Variants in GLCCI1 observed in about 807,000 individuals in gnomAD.
GLCCI1 encodes the protein glucocorticoid-induced transcript 1 protein.
A neutral mutation model predicts 52.2 loss-of-function variants in GLCCI1; 24 were observed. The observed-to-expected ratio is 0.46, with a 90% CI of 0.33 to 0.65. The LOEUF is 0.65. Ranked by LOEUF, GLCCI1 falls within the 30% of genes least tolerant of loss-of-function variation. The pLI is 0.02. For synonymous variants in GLCCI1, 310 were observed against 276.5 expected, an observed-to-expected ratio of 1.12 and a Z score of -1.20; for missense variants, 704 against 701.5, an observed-to-expected ratio of 1.00 and a Z score of -0.04.
intron 3 of GLCCI1, among the ~76,000 whole-genome samples, chr7:8,050,872 A>AAAT (rs944414699): frequency 6.6e-6 from 1 of 152,308 alleles, no homozygotes; most frequent in Admixed American, 6.5e-5. Context: ...TTCACCTTTA[A>AAAT]AATAATAATA....
Position 7,979,465 on chromosome 7 carries a change from G to C in GLCCI1, c.457+9658G>C, listed in dbSNP as rs150734770. Among the ~76,000 whole-genome samples the C allele has an allele frequency of 1.5e-4, 22 of 151,460 alleles. No homozygotes were observed. The East Asian group carries it at 4.0e-3, about 28-fold the overall frequency. ...TAGCTTGAGCTTTTTCTGGTGTTCTGTTTTGAAGTTGCCACTCTGTTTATG... is the reference window on the plus strand; with the variant it reads ...TAGCTTGAGCTTTTTCTGGTGTTCTCTTTTGAAGTTGCCACTCTGTTTATG... On this transcript the variant is annotated intron_variant, in intron 1 of 7. Coordinates refer to ENST00000223145, the MANE Select transcript of GLCCI1 (RefSeq NM_138426.4).
chr7:8,037,111 T>C (rs1390552115), intron 3 of GLCCI1, among the ~76,000 whole-genome samples: 1 of 151,104 alleles, frequency 6.6e-6, no homozygotes. Context: ...AAAGTCAGTG[T>C]GAAGGAAAGG....
chr7:8,028,158 A>G (rs1781662502), intron 3 of GLCCI1, among the ~76,000 whole-genome samples: 1 of 152,180 alleles, frequency 6.6e-6, no homozygotes, highest in Non-Finnish European at 1.5e-5. Flanking sequence ...TCAGAATACA[A>G]ATTTTCCTCC....
chr7:8,041,495 T>A (rs1329103339), intron 3 of GLCCI1, among the ~76,000 whole-genome samples: 1 of 152,196 alleles, frequency 6.6e-6, no homozygotes, highest in Non-Finnish European at 1.5e-5. Flanking sequence ...AGCTGTACTG[T>A]GGAATAAGAT....
In GLCCI1 at chr7:8,004,165, C is replaced by G. The variant is rs1317192349; in HGVS notation, c.609+106C>G. ...AAATTTCCCCAAATTTGAAATACATCCAACCAAGGAAGAAAGGAAAAATCC... is the reference window on the plus strand; with the variant it reads ...AAATTTCCCCAAATTTGAAATACATGCAACCAAGGAAGAAAGGAAAAATCC... On this transcript the variant is annotated intron_variant, in intron 2 of 7. Transcript: ENST00000223145. 5 of 1,022,872 alleles carry G rather than the reference C, an allele frequency of 4.9e-6. No individual in the cohort carries two copies. In the East Asian group the frequency reaches 1.2e-4, roughly 25 times the overall value. The allele number at this position is 1,022,872 out of a possible 1,614,324, so 63.4% of individuals were successfully genotyped here. A position where few individuals can be genotyped will look rare whatever the true frequency, so the allele number is the denominator to read the frequency against.
At chr7:8,027,138 A>G (rs1254351139) in intron 3 of GLCCI1, among the ~76,000 whole-genome samples, 1 of 152,234 alleles carries the variant, frequency 6.6e-6, no homozygotes, top group African/African-American at 2.4e-5. Flanking sequence ...CACCAAATGA[A>G]CCAGGCACCA....
At chr7:7,973,406 T>TTGTG (rs1190596785) in intron 1 of GLCCI1, among the ~76,000 whole-genome samples, 98 of 83,984 alleles carry the variant, frequency 1.2e-3, no homozygotes, top group African/African-American at 3.9e-3. Context: ...ATGCAAATCT[T>TTGTG]TGTGTGCGTG....
chr7:7,978,925 A>G (rs1461868836), intron 1 of GLCCI1, among the ~76,000 whole-genome samples: 1 of 152,228 alleles, frequency 6.6e-6, no homozygotes, highest in African/African-American at 2.4e-5. Context: ...TTAGCTAATT[A>G]TAAACAAAAT....
At chr7:7,994,888 ACT>A (rs1780908873) in intron 1 of GLCCI1, among the ~76,000 whole-genome samples, 1 of 152,064 alleles carries the variant, frequency 6.6e-6, no homozygotes, top group African/African-American at 2.4e-5. Context: ...ACACACACAC[ACT>A]CACACACTCT....
intron 1 of GLCCI1, among the ~76,000 whole-genome samples, chr7:7,974,651 C>T (rs557103770): frequency 6.6e-6 from 1 of 152,248 alleles, no homozygotes; most frequent in Admixed American, 6.5e-5. Flanking sequence ...CAACAAATGG[C>T]TAGTCGGAGA....
chr7:7,997,097 A>G (rs1444373638), intron 1 of GLCCI1, among the ~76,000 whole-genome samples: 3 of 152,244 alleles, frequency 2.0e-5, no homozygotes, highest in Non-Finnish European at 4.4e-5. Flanking sequence ...TAGGAAAACT[A>G]AATCTAGTAA....
chr7:8,035,193 G>C (rs972762138), intron 3 of GLCCI1, among the ~76,000 whole-genome samples: 1 of 152,216 alleles, frequency 6.6e-6, no homozygotes, highest in Non-Finnish European at 1.5e-5. Flanking sequence ...TAAGGGAAGG[G>C]AAAGTGCAGT....
intron 2 of GLCCI1, among the ~76,000 whole-genome samples, chr7:8,010,285 C>G (rs886391260): frequency 3.9e-5 from 6 of 152,188 alleles, no homozygotes; most frequent in Admixed American, 3.3e-4. Flanking sequence ...CCACTGCCTT[C>G]TTGCTTCTTT....
chr7:8,023,182 A>AT (rs1417531634), intron 3 of GLCCI1, among the ~76,000 whole-genome samples: 5 of 151,890 alleles, frequency 3.3e-5, no homozygotes, highest in Admixed American at 6.6e-5. Flanking sequence ...CACCTGGCTA[A>AT]TTTTTTGTAT....
At chr7:8,007,819 A>C (rs532060126) in intron 2 of GLCCI1, among the ~76,000 whole-genome samples, 1 of 152,254 alleles carries the variant, frequency 6.6e-6, no homozygotes, top group Admixed American at 6.5e-5. Flanking sequence ...AAAAATTAAT[A>C]TTGTTTAGTA....
chr7:7,989,145 G>T (rs1011461467), intron 1 of GLCCI1, among the ~76,000 whole-genome samples: 5 of 152,066 alleles, frequency 3.3e-5, no homozygotes, highest in Admixed American at 6.6e-5. Flanking sequence ...TTGTGATAAG[G>T]CACTAATTTT....
intron 1 of GLCCI1, among the ~76,000 whole-genome samples, chr7:7,991,394 TAAG>T (rs1780836371): frequency 2.0e-5 from 3 of 152,088 alleles, no homozygotes; most frequent in Middle Eastern, 3.2e-3. Flanking sequence ...AAATAGGAAA[TAAG>T]AATGCAGATA....
At chr7:8,004,184 A>C in intron 2 of GLCCI1, 125 bp downstream of exon 2, 1 of 877,940 alleles carries the variant, frequency 1.1e-6, no homozygotes, top group Non-Finnish European at 1.7e-6. Flanking sequence ...GAAGAAAGGA[A>C]AAATCCATTG....
At chr7:7,973,258 A>T (rs1780392619) in intron 1 of GLCCI1, among the ~76,000 whole-genome samples, 2 of 152,330 alleles carry the variant, frequency 1.3e-5, no homozygotes, top group African/African-American at 2.4e-5. Flanking sequence ...AAAATTAATG[A>T]TCTTTAAGCT....
Sources: gnomAD v4.1 joint callset for allele counts (sites outside exome capture counted in the v4.1 genomes callset) on GRCh38, gnomAD v4.1.1 for gene constraint, MANE v1.5 for transcripts, NCBI Gene and HGNC (gene_info 2026-07-23, HGNC 2026-07-21) for gene names.